The following LIPI variants were observed in gnomAD, a reference collection of about 807,000 sequenced individuals.
LIPI encodes lipase I.
A neutral mutation model predicts 50.6 loss-of-function variants in LIPI; 59 were observed. That is an observed-to-expected ratio of 1.16 (90% CI 0.94 to 1.45). The LOEUF (loss-of-function observed/expected upper bound fraction) is 1.45, where lower values mean the gene tolerates loss of function less well. Ranked by LOEUF, LIPI falls within the 40% of genes most tolerant of loss-of-function variation. The pLI is 0.00. For synonymous variants in LIPI, 203 were observed against 178.2 expected, an observed-to-expected ratio of 1.14 and a Z score of -1.11; for missense variants, 586 against 536.3, an observed-to-expected ratio of 1.09 and a Z score of -0.92.
At chr21:14,186,189 T>G in intron 2 of LIPI, 120 bp from the exon 3 acceptor site, 1 of 699,074 alleles carries the variant, frequency 1.4e-6, no homozygotes, top group Non-Finnish European at 2.6e-6. Flanking sequence ...ATTTTGGGGA[T>G]ATCGGGAAAG....
intron 9 of LIPI, among the ~76,000 whole-genome samples, chr21:14,116,565 C>T (rs775190289): frequency 2.0e-5 from 3 of 152,180 alleles, no homozygotes; most frequent in Non-Finnish European, 4.4e-5. Flanking sequence ...GAAGTTAAGA[C>T]CGCAGAGGCT....
intron 9 of LIPI, among the ~76,000 whole-genome samples, chr21:14,128,279 A>G (rs918026236): frequency 2.8e-4 from 43 of 152,196 alleles, no homozygotes; most frequent in Middle Eastern, 3.4e-3. Context: ...ATCTTCCACA[A>G]TGGGAATAAT....
intron 1 of LIPI, among the ~76,000 whole-genome samples, chr21:14,203,352 A>G (rs1163247318): frequency 1.3e-5 from 2 of 152,204 alleles, no homozygotes; most frequent in Non-Finnish European, 2.9e-5. Flanking sequence ...CCAAAGGATT[A>G]TAAATCATGC....
chr21:14,189,465 T>C (rs751291157), intron 1 of LIPI, 46 bp from the exon 2 acceptor site: 32 of 1,535,614 alleles, frequency 2.1e-5, no homozygotes, highest in Non-Finnish European at 2.8e-5. Flanking sequence ...GGATAGTATT[T>C]TATTCCTGTT....
intron 4 of LIPI, among the ~76,000 whole-genome samples, chr21:14,178,505 AT>A (rs1255580524): frequency 6.6e-6 from 1 of 152,150 alleles, no homozygotes; most frequent in African/African-American, 2.4e-5. Flanking sequence ...ATGGATGTCA[AT>A]TATTTTACTT....
intron 9 of LIPI, among the ~76,000 whole-genome samples, chr21:14,138,797 A>G (rs1363299999): frequency 6.6e-6 from 1 of 152,152 alleles, no homozygotes; most frequent in African/African-American, 2.4e-5. Flanking sequence ...TTCTATAGAA[A>G]TACATACGTG....
intron 9 of LIPI, among the ~76,000 whole-genome samples, chr21:14,121,161 C>A (rs1213155411): frequency 6.6e-6 from 1 of 152,166 alleles, no homozygotes; most frequent in Admixed American, 6.5e-5. Flanking sequence ...ATTTAGAATG[C>A]CTCTACCTTT....
intron 1 of LIPI, among the ~76,000 whole-genome samples, chr21:14,209,221 A>G (rs1287195235): frequency 1.3e-5 from 2 of 152,146 alleles, no homozygotes; most frequent in Non-Finnish European, 2.9e-5. Flanking sequence ...AAGTTTTTTG[A>G]TCTATCTCTC....
chr21:14,124,771 C>T (rs928866162), intron 9 of LIPI, among the ~76,000 whole-genome samples: 1 of 152,168 alleles, frequency 6.6e-6, no homozygotes, highest in Non-Finnish European at 1.5e-5. Flanking sequence ...CTTTCCTGAA[C>T]TCTGTTCGGT....
intron 9 of LIPI, among the ~76,000 whole-genome samples, chr21:14,140,368 A>AT (rs2017661033): frequency 6.6e-6 from 1 of 152,132 alleles, no homozygotes; most frequent in Admixed American, 6.6e-5. Context: ...TTCAACTAGA[A>AT]CGTATTTTAA....
At chr21:14,203,581 A>G (rs1344359504) in intron 1 of LIPI, among the ~76,000 whole-genome samples, 1 of 152,062 alleles carries the variant, frequency 6.6e-6, no homozygotes, top group African/African-American at 2.4e-5. Flanking sequence ...AACTATCACA[A>G]GGACAAAAAA....
At chr21:14,148,803 A>T (rs546732123) in intron 8 of LIPI, among the ~76,000 whole-genome samples, 1 of 152,318 alleles carries the variant, frequency 6.6e-6, no homozygotes, top group Admixed American at 6.5e-5. Flanking sequence ...TAACAGAAAA[A>T]CAGTAAACCC....
At chr21:14,197,529 G>A (rs9983840) in intron 1 of LIPI, among the ~76,000 whole-genome samples, 1 of 151,684 alleles carries the variant, frequency 6.6e-6, no homozygotes, top group Non-Finnish European at 1.5e-5. Flanking sequence ...CTCCGGGTTA[G>A]ATTCTTTCTG....
At chr21:14,136,012 C>G (rs58601465) in intron 9 of LIPI, among the ~76,000 whole-genome samples, 4,144 of 152,060 alleles carry the variant, frequency 0.027, 177 homozygotes, top group African/African-American at 0.091. Context: ...CCTAAGGCCC[C>G]GTCTCCCCTG....
At chr21:14,208,316 C>G (rs2020278849) in intron 1 of LIPI, among the ~76,000 whole-genome samples, 1 of 152,146 alleles carries the variant, frequency 6.6e-6, no homozygotes, top group Non-Finnish European at 1.5e-5. Flanking sequence ...CACCTCCAGC[C>G]TATGGATAAG....
intron 9 of LIPI, among the ~76,000 whole-genome samples, chr21:14,141,958 A>C (rs59557436): frequency 1.0e-3 from 154 of 152,326 alleles, no homozygotes; most frequent in African/African-American, 3.5e-3. Context: ...TCCCAGGAAG[A>C]AAGCATGCAC....
chr21:14,183,900 C>T (rs369392043), intron 3 of LIPI, among the ~76,000 whole-genome samples: 36 of 152,226 alleles, frequency 2.4e-4, no homozygotes, highest in Non-Finnish European at 3.2e-4. Flanking sequence ...AGTTCAACCA[C>T]TGTGGAAGTC....
rs575395633 is a variant in LIPI at position 14,138,754 on chromosome 21, AT to A, written c.1295+5868del. 2.3e-4 allele frequency among the ~76,000 whole-genome samples: 35 copies of A among 152,240 alleles called. No homozygotes were observed. The South Asian group carries it at 5.0e-3, about 22-fold the overall frequency. On this transcript the variant is annotated intron_variant, in intron 9 of 9. Transcript: ENST00000681601. The stretch of plus-strand genomic sequence containing the variant: ...TTATTGAGCAGTCGATTTATTTATA[AT>A]TTTTAGCATTGTTAATCAAATTGTA...
chr21:14,126,060 T>C lies in LIPI; in HGVS notation c.1296-16980A>G, dbSNP rs1276283302. ...AAAAAAGGCTGGTGAAGGTGCAGTT[T>C]GGGTTTAGGAGAACGTGGAGCTCTT... On this transcript the variant is annotated intron_variant, in intron 9 of 9. Coordinates refer to ENST00000681601, the MANE Select transcript of LIPI (RefSeq NM_001302998.2). Among the ~76,000 whole-genome samples the C allele has an allele frequency of 2.6e-5, 4 of 152,238 alleles. No individual in the cohort carries two copies. The East Asian group carries it at 7.7e-4, about 29-fold the overall frequency.
Sources: gnomAD v4.1 joint callset for allele counts (sites outside exome capture counted in the v4.1 genomes callset) on GRCh38, gnomAD v4.1.1 for gene constraint, MANE v1.5 for transcripts, NCBI Gene and HGNC (gene_info 2026-07-23, HGNC 2026-07-21) for gene names.